The following CAMK1D variants were observed in gnomAD, a reference collection of about 807,000 sequenced individuals.
CAMK1D encodes calcium/calmodulin-dependent protein kinase type 1D.
In CAMK1D, 9 loss-of-function variants were observed where a neutral mutation model predicts 47.7. The ratio of observed to expected loss-of-function variants is 0.19; its 90% CI spans 0.11 to 0.33. The LOEUF is 0.33. Among genes scored for constraint, CAMK1D ranks in the 10% least tolerant of loss-of-function variants. The pLI is 1.00. For synonymous variants in CAMK1D, 184 were observed against 184.9 expected, an observed-to-expected ratio of 0.99 and a Z score of 0.04; for missense variants, 291 against 488.7, an observed-to-expected ratio of 0.60 and a Z score of 3.81.
intron 2 of CAMK1D, among the ~76,000 whole-genome samples, chr10:12,580,759 G>C (rs1032005567): frequency 3.3e-5 from 5 of 152,170 alleles, no homozygotes; most frequent in African/African-American, 4.8e-5. Context: ...TGGGAAATTA[G>C]GTTCTGGGAA....
intron 1 of CAMK1D, among the ~76,000 whole-genome samples, chr10:12,430,247 A>C (rs984641960): frequency 6.6e-6 from 1 of 152,130 alleles, no homozygotes; most frequent in Non-Finnish European, 1.5e-5. Flanking sequence ...CTCCGTGAAA[A>C]GACGGATTGC....
At chr10:12,664,499 G>A (rs1045547986) in intron 2 of CAMK1D, among the ~76,000 whole-genome samples, 1 of 152,302 alleles carries the variant, frequency 6.6e-6, no homozygotes, top group South Asian at 2.1e-4. Flanking sequence ...ATTGGGGTCC[G>A]CAATGATAGC....
chr10:12,787,479 G>A (rs1271477856), intron 5 of CAMK1D, among the ~76,000 whole-genome samples: 2 of 152,160 alleles, frequency 1.3e-5, no homozygotes, highest in Non-Finnish European at 2.9e-5. Flanking sequence ...GAGCACTCAC[G>A]AGAACACAGA....
chr10:12,722,933 C>T (rs544205512), intron 3 of CAMK1D, among the ~76,000 whole-genome samples: 5 of 151,842 alleles, frequency 3.3e-5, no homozygotes, highest in East Asian at 1.9e-4. Flanking sequence ...ATATCTCTAA[C>T]GGAGGTATAA....
chr10:12,753,538 G>A (rs1480678779), intron 3 of CAMK1D, among the ~76,000 whole-genome samples: 1 of 152,208 alleles, frequency 6.6e-6, no homozygotes, highest in East Asian at 1.9e-4. Flanking sequence ...TCAGTTGTGA[G>A]ATTTTTTTCC....
chr10:12,440,681 T>A (rs1832761503), intron 1 of CAMK1D, among the ~76,000 whole-genome samples: 1 of 152,164 alleles, frequency 6.6e-6, no homozygotes, highest in African/African-American at 2.4e-5. Flanking sequence ...AAATTATACC[T>A]CAATAAAGTA....
intron 1 of CAMK1D, among the ~76,000 whole-genome samples, chr10:12,512,409 T>A (rs1158888480): frequency 3.3e-5 from 5 of 152,178 alleles, no homozygotes; most frequent in African/African-American, 9.7e-5. Flanking sequence ...TATTATTATT[T>A]TTTTGAGATG....
intron 1 of CAMK1D, among the ~76,000 whole-genome samples, chr10:12,509,318 C>T (rs1426682794): frequency 6.6e-6 from 1 of 152,200 alleles, no homozygotes; most frequent in African/African-American, 2.4e-5. Flanking sequence ...CAGGTTTGGC[C>T]ATACCAGTGT....
At chr10:12,374,744 C>A (rs1838123028) in intron 1 of CAMK1D, among the ~76,000 whole-genome samples, 1 of 151,904 alleles carries the variant, frequency 6.6e-6, no homozygotes, top group Admixed American at 6.6e-5. Context: ...GAGTTTGAGA[C>A]CAGCCTGGCC....
At chr10:12,495,497 A>C (rs1204204980) in intron 1 of CAMK1D, among the ~76,000 whole-genome samples, 3 of 152,220 alleles carry the variant, frequency 2.0e-5, no homozygotes, top group Non-Finnish European at 4.4e-5. Flanking sequence ...AAAAAATTTT[A>C]ACTGAATTTT....
intron 1 of CAMK1D, among the ~76,000 whole-genome samples, chr10:12,421,640 C>T (rs1484634790): frequency 2.0e-5 from 3 of 147,840 alleles, no homozygotes; most frequent in East Asian, 2.0e-4. Context: ...ATTCTTCTGC[C>T]TCAGCCTCCC....
chr10:12,479,350 C>T (rs1437203249), intron 1 of CAMK1D, among the ~76,000 whole-genome samples: 1 of 152,106 alleles, frequency 6.6e-6, no homozygotes, highest in Admixed American at 6.5e-5. Context: ...GTGCGCACCA[C>T]CACGCCTGGC....
At chr10:12,410,213 C>T (rs1839606413) in intron 1 of CAMK1D, among the ~76,000 whole-genome samples, 1 of 152,184 alleles carries the variant, frequency 6.6e-6, no homozygotes, top group Admixed American at 6.5e-5. Flanking sequence ...ATTGAATTTG[C>T]TAGCAATTTT....
intron 3 of CAMK1D, among the ~76,000 whole-genome samples, chr10:12,726,955 A>G (rs540031853): frequency 2.6e-5 from 4 of 152,326 alleles, no homozygotes; most frequent in African/African-American, 9.6e-5. Context: ...GCCCAGGGCC[A>G]TGGTGAGGAG....
intron 1 of CAMK1D, among the ~76,000 whole-genome samples, chr10:12,370,596 T>C (rs1327121497): frequency 6.6e-6 from 1 of 152,080 alleles, no homozygotes; most frequent in African/African-American, 2.4e-5. Flanking sequence ...TGAACTACGC[T>C]AATGTGTGTG....
intron 2 of CAMK1D, among the ~76,000 whole-genome samples, chr10:12,621,163 CT>C (rs1280035256): frequency 1.3e-5 from 2 of 152,190 alleles, no homozygotes; most frequent in Non-Finnish European, 2.9e-5. Context: ...GTCTATCCCC[CT>C]AACAGTACCA....
chr10:12,657,631 G>C (rs1293287912), intron 2 of CAMK1D, among the ~76,000 whole-genome samples: 2 of 152,122 alleles, frequency 1.3e-5, no homozygotes, highest in Non-Finnish European at 2.9e-5. Context: ...GTAGTCACTT[G>C]AATCATTTTC....
chr10:12,379,264 G>A (rs1838274754), intron 1 of CAMK1D, among the ~76,000 whole-genome samples: 1 of 152,160 alleles, frequency 6.6e-6, no homozygotes, highest in East Asian at 1.9e-4. Context: ...ACGCTGTTTT[G>A]GCCTGAATCT....
chr10:12,831,699 GA>G lies in CAMK1D; in HGVS notation c.*2813del, dbSNP rs1833421603. The G allele has an allele frequency of 6.6e-6, 1 of 152,236 alleles. No homozygotes were observed. The highest frequency in any genetic ancestry group is 2.1e-4 in the South Asian group (1 of 4,828). 9.4% of individuals were successfully genotyped at this position (152,236 alleles called of 1,614,324 possible). A position where few individuals can be genotyped will look rare whatever the true frequency, so the allele number is the denominator to read the frequency against. Reference sequence around the variant, plus strand: ...GAGACAGTGACTGGTTTCAGCCCAAGAGTCAACTGTTGAGCATGACATCAGG... The same window carrying G: ...GAGACAGTGACTGGTTTCAGCCCAAGGTCAACTGTTGAGCATGACATCAGG... On this transcript the variant is annotated 3_prime_UTR_variant, in exon 11 of 11. Transcript: ENST00000619168.
Sources: allele counts gnomAD v4.1 joint callset (sites outside exome capture counted in the v4.1 genomes callset), GRCh38; gene constraint gnomAD v4.1.1; transcripts MANE v1.5; gene names NCBI Gene and HGNC (gene_info 2026-07-23, HGNC 2026-07-21).